The following C19orf44 variants were observed in gnomAD, a reference collection of about 807,000 sequenced individuals.
C19orf44 encodes chromosome 19 open reading frame 44.
C19orf44 carries 43 observed loss-of-function variants against 50.7 expected under a neutral mutation model. The ratio of observed to expected loss-of-function variants is 0.85; its 90% CI spans 0.66 to 1.09. The LOEUF (loss-of-function observed/expected upper bound fraction) is 1.09, where lower values mean the gene tolerates loss of function less well. Ranked by LOEUF, C19orf44 falls within the 50% of genes least tolerant of loss-of-function variation. The pLI is 0.00. For synonymous variants in C19orf44, 298 were observed against 334.7 expected, an observed-to-expected ratio of 0.89 and a Z score of 1.20; for missense variants, 722 against 836.2, an observed-to-expected ratio of 0.86 and a Z score of 1.68.
intron 4 of C19orf44, 32 bp from the exon 5 acceptor site, chr19:16,509,467 T>C: frequency 6.6e-7 from 1 of 1,526,280 alleles, no homozygotes; most frequent in Non-Finnish European, 8.8e-7. Context: ...TCCAAAACAC[T>C]TCCCAGCCAC....
intron 7 of C19orf44, among the ~76,000 whole-genome samples, chr19:16,516,543 A>C (rs1307000866): frequency 6.6e-6 from 1 of 152,200 alleles, no homozygotes; most frequent in Admixed American, 6.5e-5. Flanking sequence ...TTCGGATCCA[A>C]AGTCCATACT....
chr19:16,510,100 T>G, intron 5 of C19orf44, 112 bp downstream of exon 5: 3 of 1,532,508 alleles, frequency 2.0e-6, no homozygotes, highest in South Asian at 2.3e-5. Context: ...ATTTGGGCTC[T>G]TGTTATTAAT....
intron 2 of C19orf44, among the ~76,000 whole-genome samples, chr19:16,501,905 TTTTTG>T (rs1177099314): frequency 2.2e-5 from 3 of 138,202 alleles, no homozygotes; most frequent in Admixed American, 7.2e-5. Flanking sequence ...ACTGGCTACT[TTTTTG>T]TATTTTTTTT....
Position 16,519,356 on chromosome 19 carries a change from G to T in C19orf44, c.*41-738G>T. The T allele has an allele frequency of 6.2e-7, 1 of 1,609,280 alleles. No homozygotes were observed. The highest frequency in any genetic ancestry group is 8.5e-7 in the Non-Finnish European group (1 of 1,178,802). On this transcript the variant is annotated intron_variant, in intron 8 of 8. Coordinates refer to ENST00000221671, the MANE Select transcript of C19orf44 (RefSeq NM_032207.4). This position sits in a 1 kb window ranked among gnomAD's most constrained non-coding sequence, Gnocchi z 6.0. ...AGGCCGCCTGAGCCGCTCCAGCCTG[G>T]AAACAGAGACGCAGTCACAACCACA...
In C19orf44 at chr19:16,520,124, C is replaced by A; in HGVS notation, c.*71C>A. On this transcript the variant is annotated 3_prime_UTR_variant, in exon 9 of 9. Coordinates refer to ENST00000221671, the MANE Select transcript of C19orf44 (RefSeq NM_032207.4). This position sits in a 1 kb window ranked among gnomAD's most constrained non-coding sequence, Gnocchi z 4.0. Reference sequence around the variant, plus strand: ...CACCGCAGCTTCCCAGAGTTACCAGCGCAGCACTTAAGACAGGATCTTACG... The same window carrying A: ...CACCGCAGCTTCCCAGAGTTACCAGAGCAGCACTTAAGACAGGATCTTACG... 1.2e-6 allele frequency: 2 copies of A among 1,601,666 alleles called. No individual in the cohort carries two copies. The highest frequency in any genetic ancestry group is 1.3e-5 in the African/African-American group (1 of 74,780).
chr19:16,508,891 G>C (rs6512117), intron 4 of C19orf44, among the ~76,000 whole-genome samples: 57,671 of 151,454 alleles, frequency 0.38, 12,423 homozygotes, highest in African/African-American at 0.59. Flanking sequence ...TGTGATCTCA[G>C]CTCACCATAA....
chr19:16,502,883 G>A (rs1236631098), intron 2 of C19orf44, among the ~76,000 whole-genome samples, 182 bp from the exon 3 acceptor site: 1 of 151,662 alleles, frequency 6.6e-6, no homozygotes. Flanking sequence ...CTAGCTGCTT[G>A]GGAGGCTGAG....
At position 16,498,739 on chromosome 19, in the gene C19orf44, C is replaced by T. The variant is rs528492993; in HGVS notation, c.-1-2053C>T. On this transcript the variant is annotated intron_variant, in intron 1 of 8. Transcript: ENST00000221671. ...AGGCTGGAGTGCAATGGCGCGATCT[C>T]GGTTCACTGCAAGCTCTGCCTCCTG... Among the ~76,000 whole-genome samples the T allele has an allele frequency of 3.9e-3, 593 of 151,876 alleles. 4 individuals are homozygous for T. Among genetic ancestry groups the T allele is most frequent in the Middle Eastern group, 6.8e-3 (2 of 294 alleles).
intron 8 of C19orf44, chr19:16,518,943 T>G (rs2085577196): frequency 1.7e-6 from 1 of 579,520 alleles, no homozygotes; most frequent in African/African-American, 1.9e-5. Context: ...CTGCAGCGCC[T>G]CCTGGTGTGG....
intron 3 of C19orf44, among the ~76,000 whole-genome samples, chr19:16,505,255 C>A (rs2093437563): frequency 6.7e-6 from 1 of 149,324 alleles, no homozygotes; most frequent in South Asian, 2.1e-4. Context: ...CCCTTGTTGC[C>A]CAGGCTGGAG....
Position 16,517,351 on chromosome 19 carries a change from C to A in C19orf44, c.*40+10C>A. The A allele has an allele frequency of 6.4e-7, 1 of 1,553,304 alleles. No individual in the cohort carries two copies. Among genetic ancestry groups the A allele is most frequent in the Non-Finnish European group, 8.9e-7 (1 of 1,127,956 alleles). ...GACGTCTTAACAAAAGGTATCCCGT[C>A]CTGTGTACTCAGTGCACACACACGC... is the stretch of plus-strand genomic sequence containing the variant. On this transcript the variant is annotated intron_variant, in intron 8 of 8. Coordinates refer to ENST00000221671, the MANE Select transcript of C19orf44 (RefSeq NM_032207.4).
At position 16,519,134 on chromosome 19, in the gene C19orf44, C is replaced by A. The variant is rs771816080; in HGVS notation, c.*41-960C>A. On this transcript the variant is annotated intron_variant, in intron 8 of 8. Transcript: ENST00000221671. This position sits in a 1 kb window ranked among gnomAD's most constrained non-coding sequence, Gnocchi z 6.0. ...GTCCCACAGCCGGCACCGCTGGCCA[C>A]CGGCGCGGCTCCCGGCATGGGCGCC... 1.2e-6 allele frequency: 2 copies of A among 1,601,194 alleles called. No individual in the cohort carries two copies. The highest frequency in any genetic ancestry group is 2.2e-5 in the South Asian group (2 of 89,684).
At chr19:16,514,123 G>C (rs1208911665) in intron 6 of C19orf44, among the ~76,000 whole-genome samples, 2 of 151,948 alleles carry the variant, frequency 1.3e-5, no homozygotes, top group East Asian at 3.9e-4. Context: ...AAGTAGCTGG[G>C]ACTACAGGTG....
chr19:16,504,904 C>T (rs1254084972), intron 3 of C19orf44, among the ~76,000 whole-genome samples: 24 of 151,300 alleles, frequency 1.6e-4, no homozygotes, highest in Admixed American at 1.2e-3. Context: ...CTGTAACCTC[C>T]GCCTCCTGGG....
chr19:16,512,887 A>C, intron 5 of C19orf44, 127 bp from the exon 6 acceptor site: 1 of 672,536 alleles, frequency 1.5e-6, no homozygotes, highest in Non-Finnish European at 2.5e-6. Flanking sequence ...AAAATGCAAG[A>C]GTGGCGATCA....
In C19orf44 at chr19:16,519,966, C is replaced by T; in HGVS notation, c.*41-128C>T. On this transcript the variant is annotated intron_variant, in intron 8 of 8. Coordinates refer to ENST00000221671, the MANE Select transcript of C19orf44 (RefSeq NM_032207.4). The surrounding 1 kb of genome is among the most constrained non-coding windows in gnomAD (Gnocchi z 6.0). ...CCCAGATGGTGGTTAGAAAGCAGAC[C>T]CCAGTTACTGCCTCAGGCTTCGCCA... The T allele has an allele frequency of 1.4e-6, 1 of 702,062 alleles. No homozygotes were observed. Among genetic ancestry groups the T allele is most frequent in the Middle Eastern group, 4.1e-4 (1 of 2,466 alleles). The allele number at this position is 702,062 out of a possible 1,614,324, so 43.5% of individuals were successfully genotyped here.
chr19:16,509,420 G>T, intron 4 of C19orf44, 79 bp from the exon 5 acceptor site: 1 of 1,506,936 alleles, frequency 6.6e-7, no homozygotes, highest in Non-Finnish European at 8.9e-7. Context: ...CAGGTCCCCA[G>T]CTCCTAGGAG....
chr19:16,516,932 C>A (rs542898626), intron 7 of C19orf44, among the ~76,000 whole-genome samples: 5 of 152,342 alleles, frequency 3.3e-5, no homozygotes, highest in Admixed American at 3.3e-4. Flanking sequence ...CTGCAGCCCA[C>A]CATAGCTCCC....
chr19:16,514,600 C>T lies in C19orf44; in HGVS notation c.1839C>T (p.Ala613=). ...TCCAGGCCAGCCGGCACCTGCACGC[C>T]TCCCTCCTGCGCTCCCTGGACGCGG... is the stretch of plus-strand genomic sequence containing the variant. ...QFIQASRHLH[A]SLLRSLDADS... The change falls in exon 7 of 9, where the codon GCC becomes GCT. Residue 613 remains alanine, a synonymous_variant. Transcript: ENST00000221671. The T allele has an allele frequency of 3.1e-6, 5 of 1,604,080 alleles. No individual in the cohort carries two copies. Among genetic ancestry groups the T allele is most frequent in the South Asian group, 1.1e-5 (1 of 89,510 alleles).
Sources: gnomAD v4.1 joint callset for allele counts (sites outside exome capture counted in the v4.1 genomes callset) on GRCh38, gnomAD v4.1.1 for gene constraint, Gnocchi (gnomAD v3.1) non-coding constraint, MANE v1.5 for transcripts, NCBI Gene and HGNC (gene_info 2026-07-23, HGNC 2026-07-21) for gene names.